Variants in DPP10 observed in about 807,000 individuals in gnomAD.
DPP10 encodes the protein inactive dipeptidyl peptidase 10.
In DPP10, 33 loss-of-function variants were observed where a neutral mutation model predicts 120.9. That is an observed-to-expected ratio of 0.27 (90% CI 0.21 to 0.37). DPP10 has a LOEUF of 0.37. Ranked by LOEUF, DPP10 falls within the 10% of genes least tolerant of loss-of-function variation. The pLI is 1.00. For synonymous variants in DPP10, 337 were observed against 326.1 expected (o/e 1.03, Z -0.36); for missense variants, 816 against 942.8 (o/e 0.87, Z 1.76).
intron 1 of DPP10, among the ~76,000 whole-genome samples, chr2:114,750,493 C>T (rs962314418): frequency 1.3e-5 from 2 of 152,104 alleles, no homozygotes; most frequent in Admixed American, 6.6e-5. Context: ...GCCACCACGC[C>T]CAGCTAATTT....
At chr2:114,985,685 G>T (rs752538420) in intron 1 of DPP10, among the ~76,000 whole-genome samples, 1 of 152,170 alleles carries the variant, frequency 6.6e-6, no homozygotes, top group African/African-American at 2.4e-5. Context: ...AAGGCTGGAC[G>T]CAGTCACATT....
intron 4 of DPP10, among the ~76,000 whole-genome samples, chr2:115,521,739 C>T (rs1029463135): frequency 2.0e-5 from 3 of 151,894 alleles, no homozygotes; most frequent in Non-Finnish European, 2.9e-5. Context: ...CTCATGAACT[C>T]GAGATGTCAT....
rs935102105 is a variant in DPP10, at chr2:115,806,839, GC to G, written c.1701-7947del. On this transcript the variant is annotated intron_variant, in intron 19 of 25. Coordinates refer to ENST00000410059, the MANE Select transcript of DPP10 (RefSeq NM_020868.6). ...CTTTGTTCTATTTTTTATCTAAATT[GC>G]CCCCCCACCCCCAGTTCCTGAAGCA... Among the ~76,000 whole-genome samples the G allele has an allele frequency of 3.3e-5, 5 of 150,326 alleles. No individual in the cohort carries two copies. In the East Asian group the frequency reaches 9.8e-4, roughly 29 times the overall value.
rs919151689 is a variant in DPP10 at position 115,292,957 on chromosome 2, G to A, written c.61-16282G>A. On this transcript the variant is annotated intron_variant, in intron 1 of 25. Coordinates refer to ENST00000410059, the MANE Select transcript of DPP10 (RefSeq NM_020868.6). ...TGAAGCCAACTGGCTGGCTGCCCAC[G>A]TTTCTCATAACATTTCATTTATTTT... Among the ~76,000 whole-genome samples, 5 of 152,016 alleles carry A rather than the reference G, an allele frequency of 3.3e-5. No individual in the cohort carries two copies. The South Asian group carries it at 6.2e-4, about 19-fold the overall frequency.
intron 1 of DPP10, among the ~76,000 whole-genome samples, chr2:114,476,960 T>G (rs182911828): frequency 6.6e-6 from 1 of 150,938 alleles, no homozygotes; most frequent in Non-Finnish European, 1.5e-5. Flanking sequence ...TTATAAAAAT[T>G]GATTCTTTTT....
intron 1 of DPP10, among the ~76,000 whole-genome samples, chr2:114,951,707 T>C (rs1232318693): frequency 1.3e-5 from 2 of 152,152 alleles, no homozygotes; most frequent in Non-Finnish European, 2.9e-5. Flanking sequence ...CTTTCTTATC[T>C]GAATGAATAT....
At chr2:114,513,521 CA>C (rs10712243) in intron 1 of DPP10, among the ~76,000 whole-genome samples, 41,114 of 75,134 alleles carry the variant, frequency 0.55, 7,447 homozygotes, top group Admixed American at 0.63. Context: ...AACTCTACCT[CA>C]AAAAAAAAAA....
intron 5 of DPP10, among the ~76,000 whole-genome samples, chr2:115,622,101 T>C (rs1300157667): frequency 6.6e-6 from 1 of 152,174 alleles, no homozygotes; most frequent in African/African-American, 2.4e-5. Context: ...CGTCCTAATC[T>C]TGTTATAGAA....
At chr2:115,233,256 C>G (rs2057831255) in intron 1 of DPP10, among the ~76,000 whole-genome samples, 1 of 151,308 alleles carries the variant, frequency 6.6e-6, no homozygotes, top group South Asian at 2.1e-4. Flanking sequence ...ACATGCAGTT[C>G]AAGGGAGGCT....
intron 21 of DPP10, among the ~76,000 whole-genome samples, chr2:115,831,341 T>C (rs1326414450): frequency 6.6e-6 from 1 of 152,050 alleles, no homozygotes. Context: ...CTCTGCCTCC[T>C]GGGTTCAAGC....
intron 1 of DPP10, among the ~76,000 whole-genome samples, chr2:115,188,726 C>T (rs1335106332): frequency 2.6e-5 from 4 of 151,984 alleles, no homozygotes; most frequent in Admixed American, 2.6e-4. Flanking sequence ...AATGCTACAC[C>T]TCTTTATGGA....
chr2:114,882,255 T>C (rs1396446781), intron 1 of DPP10, among the ~76,000 whole-genome samples: 1 of 151,974 alleles, frequency 6.6e-6, no homozygotes, highest in African/African-American at 2.4e-5. Context: ...TGGAACCAAA[T>C]TGAATGCCTA....
chr2:115,236,657 A>T (rs549930073), intron 1 of DPP10, among the ~76,000 whole-genome samples: 1 of 152,188 alleles, frequency 6.6e-6, no homozygotes, highest in Non-Finnish European at 1.5e-5. Context: ...ATTAAAACCA[A>T]TGTGCCATTT....
At chr2:114,548,667 A>G (rs1215581353) in intron 1 of DPP10, among the ~76,000 whole-genome samples, 1 of 152,182 alleles carries the variant, frequency 6.6e-6, no homozygotes, top group Non-Finnish European at 1.5e-5. Flanking sequence ...GCTACTTTTT[A>G]AGTGTTGGTG....
intron 3 of DPP10, among the ~76,000 whole-genome samples, chr2:115,434,034 G>C (rs1000109358): frequency 6.6e-6 from 1 of 151,838 alleles, no homozygotes; most frequent in African/African-American, 2.4e-5. Context: ...ATAGTTTTCT[G>C]CTCAATTTGA....
chr2:114,683,941 T>C (rs941824410), intron 1 of DPP10, among the ~76,000 whole-genome samples: 1 of 151,972 alleles, frequency 6.6e-6, no homozygotes, highest in Non-Finnish European at 1.5e-5. Flanking sequence ...CATTTCCACA[T>C]GACAGAATAT....
rs78957079 is a variant in DPP10 at position 115,838,233 on chromosome 2, G to A, written c.2182+1487G>A. On this transcript the variant is annotated intron_variant, in intron 24 of 25. Transcript: ENST00000410059. ...TGGGTGAAACATGATGAAAGAGAGC[G>A]TAAAAATTTTGAGGGACATTTGGAT... 3.0e-4 allele frequency among the ~76,000 whole-genome samples: 45 copies of A among 152,194 alleles called. No homozygotes were observed. The East Asian group carries it at 3.7e-3, about 12-fold the overall frequency.
At chr2:115,387,552 A>T (rs1160999030) in intron 3 of DPP10, among the ~76,000 whole-genome samples, 1 of 152,126 alleles carries the variant, frequency 6.6e-6, no homozygotes, top group Admixed American at 6.6e-5. Context: ...TTTATAATTG[A>T]TATATTTGAA....
At position 115,006,418 on chromosome 2, in the gene DPP10, C is replaced by T. The variant is rs1420003181; in HGVS notation, c.61-302821C>T. Reference sequence around the variant, plus strand: ...AAATGCTCCAATTAAAAGACACAGACTGGCAAATTAGATAAAGAGTCAAGA... The same window carrying T: ...AAATGCTCCAATTAAAAGACACAGATTGGCAAATTAGATAAAGAGTCAAGA... On this transcript the variant is annotated intron_variant, in intron 1 of 25. Transcript: ENST00000410059. Among the ~76,000 whole-genome samples the T allele has an allele frequency of 2.6e-5, 4 of 151,900 alleles. No homozygotes were observed. The South Asian group carries it at 6.2e-4, about 24-fold the overall frequency.
Sources: allele counts gnomAD v4.1 joint callset (sites outside exome capture counted in the v4.1 genomes callset), GRCh38; gene constraint gnomAD v4.1.1; transcripts MANE v1.5; gene names NCBI Gene and HGNC (gene_info 2026-07-23, HGNC 2026-07-21).